Variants in KCNC2 observed in about 807,000 individuals in gnomAD.
KCNC2 encodes the protein potassium voltage-gated channel subfamily C member 2.
In KCNC2, 21 loss-of-function variants were observed where a neutral mutation model predicts 44.5. That is an observed-to-expected ratio of 0.47 (90% CI 0.33 to 0.68). The LOEUF is 0.68. Among genes scored for constraint, KCNC2 ranks in the 30% least tolerant of loss-of-function variants. The probability of loss-of-function intolerance (pLI) is 0.01; values close to 1 mark genes in which losing one functional copy is unlikely to be tolerated. For synonymous variants in KCNC2, 391 were observed against 339.1 expected (o/e 1.15, Z -1.68); for missense variants, 589 against 826.2 (o/e 0.71, Z 3.52).
intron 2 of KCNC2, among the ~76,000 whole-genome samples, chr12:75,109,596 C>G (rs912098764): frequency 6.6e-6 from 1 of 152,058 alleles, no homozygotes; most frequent in African/African-American, 2.4e-5. Flanking sequence ...TACCTTTGTG[C>G]AGATCGTGAT....
chr12:75,109,350 C>T (rs1887039531), intron 2 of KCNC2, among the ~76,000 whole-genome samples: 1 of 152,138 alleles, frequency 6.6e-6, no homozygotes, highest in African/African-American at 2.4e-5. Flanking sequence ...TTGCTCACCT[C>T]TGCGCTTGAT....
At chr12:75,050,312 G>A in intron 3 of KCNC2, 78 bp downstream of exon 3, 1 of 1,051,266 alleles carries the variant, frequency 9.5e-7, no homozygotes. Context: ...TGCAGAAAAT[G>A]AGAATGACTG....
chr12:75,116,007 G>T (rs952915523), intron 2 of KCNC2, among the ~76,000 whole-genome samples: 1 of 152,080 alleles, frequency 6.6e-6, no homozygotes, highest in South Asian at 2.1e-4. Flanking sequence ...GAACAGTGCC[G>T]AATAAATACT....
chr12:75,198,465 T>C (rs1419535470), intron 2 of KCNC2, among the ~76,000 whole-genome samples: 2 of 151,848 alleles, frequency 1.3e-5, no homozygotes, highest in Admixed American at 1.3e-4. Flanking sequence ...ATTAAGAGAA[T>C]TCTAGTAACT....
intron 2 of KCNC2, among the ~76,000 whole-genome samples, chr12:75,160,279 A>G (rs7304239): frequency 0.66 from 100,133 of 151,692 alleles, 35,143 homozygotes; most frequent in African/African-American, 0.91. Context: ...ATAGGCCTCA[A>G]AAGAAACCAG....
rs374907728 is a variant in KCNC2 at position 75,085,996 on chromosome 12, G to A, written c.688-34679C>T. 4.6e-5 allele frequency among the ~76,000 whole-genome samples: 7 copies of A among 151,834 alleles called. No individual in the cohort carries two copies. In the South Asian group the frequency reaches 6.3e-4, roughly 14 times the overall value. ...TTTTTTTCTGCTGAAGGTGAAAGTC[G>A]GACCTATGCCCTTGTCAGTTCTAAA... On this transcript the variant is annotated intron_variant, in intron 2 of 4. Transcript: ENST00000549446.
At chr12:75,203,540 G>A (rs1292611701) in intron 2 of KCNC2, among the ~76,000 whole-genome samples, 1 of 151,876 alleles carries the variant, frequency 6.6e-6, no homozygotes, top group East Asian at 1.9e-4. Context: ...GGGAATGTAT[G>A]TGAAAGAGCT....
rs554056694 is a variant in KCNC2 at position 75,054,230 on chromosome 12, TA to T, written c.688-2914del. On this transcript the variant is annotated intron_variant, in intron 2 of 4. Transcript: ENST00000549446. ...AACAGAGAGAGACTCTGTCTCCAATTAAAAAAAAAAAAAACAGCCAGAGAGG... is the reference window on the plus strand; with the variant it reads ...AACAGAGAGAGACTCTGTCTCCAATTAAAAAAAAAAAAACAGCCAGAGAGG... 7.0e-3 allele frequency among the ~76,000 whole-genome samples: 928 copies of T among 133,240 alleles called. 6 individuals carry two copies. Among genetic ancestry groups the T allele is most frequent in the East Asian group, 0.035 (160 of 4,564 alleles). 87.4% of individuals were successfully genotyped at this position (133,240 alleles called of 152,430 possible). A position where few individuals can be genotyped will look rare whatever the true frequency, so the allele number is the denominator to read the frequency against.
In KCNC2 at chr12:75,193,062, C is replaced by T. The variant is rs144876895; in HGVS notation, c.687+14235G>A. ...AAAACCTAGTGAGAAAATAACCAGA[C>T]ACTGTTCATAACTCTGGGTAAAAAC... On this transcript the variant is annotated intron_variant, in intron 2 of 4. Coordinates refer to ENST00000549446, the MANE Select transcript of KCNC2 (RefSeq NM_139137.4). Among the ~76,000 whole-genome samples, 566 of 152,110 alleles carry T rather than the reference C, an allele frequency of 3.7e-3. 1 individual carries two copies. The highest frequency in any genetic ancestry group is 0.013 in the African/African-American group (532 of 41,488).
chr12:75,195,789 C>T (rs892108086), intron 2 of KCNC2, among the ~76,000 whole-genome samples: 1 of 152,060 alleles, frequency 6.6e-6, no homozygotes, highest in South Asian at 2.1e-4. Flanking sequence ...ATTTGTTTGC[C>T]GCTGCTCTTA....
At chr12:75,080,708 T>G (rs1291127027) in intron 2 of KCNC2, among the ~76,000 whole-genome samples, 1 of 152,046 alleles carries the variant, frequency 6.6e-6, no homozygotes, top group African/African-American at 2.4e-5. Context: ...ACAGAATCTT[T>G]CTCTATTTTT....
At chr12:75,086,497 A>G (rs1473257681) in intron 2 of KCNC2, among the ~76,000 whole-genome samples, 1 of 151,816 alleles carries the variant, frequency 6.6e-6, no homozygotes, top group East Asian at 1.9e-4. Flanking sequence ...AAATACTAAA[A>G]TGCATGTGAA....
rs2031757585 is a variant in KCNC2 at position 75,207,218 on chromosome 12, G to A, written c.687+79C>T. On this transcript the variant is annotated intron_variant, in intron 2 of 4. Coordinates refer to ENST00000549446, the MANE Select transcript of KCNC2 (RefSeq NM_139137.4). This position sits in a 1 kb window ranked among gnomAD's most constrained non-coding sequence, Gnocchi z 4.1. ...TTCTACCCCCCATGCCTGAGGCCCT[G>A]GGGTGGAAAAGAACAGAAAGTTGGG... The A allele has an allele frequency of 6.7e-7, 1 of 1,490,950 alleles. No individual in the cohort carries two copies. Among genetic ancestry groups the A allele is most frequent in the Non-Finnish European group, 8.9e-7 (1 of 1,121,786 alleles). The allele number at this position is 1,490,950 out of a possible 1,614,324, so 92.4% of individuals were successfully genotyped here. A position where few individuals can be genotyped will look rare whatever the true frequency, so the allele number is the denominator to read the frequency against.
intron 2 of KCNC2, among the ~76,000 whole-genome samples, chr12:75,098,344 C>T (rs911854401): frequency 6.6e-6 from 1 of 152,106 alleles, no homozygotes; most frequent in Non-Finnish European, 1.5e-5. Flanking sequence ...TCACATTACT[C>T]TGGTTGGTTG....
intron 2 of KCNC2, among the ~76,000 whole-genome samples, chr12:75,118,911 C>T (rs992488973): frequency 2.0e-5 from 3 of 152,102 alleles, no homozygotes; most frequent in African/African-American, 4.8e-5. Flanking sequence ...TATGCTTTCA[C>T]GGTTTATAGG....
intron 2 of KCNC2, among the ~76,000 whole-genome samples, chr12:75,138,977 T>C (rs1022223418): frequency 3.3e-4 from 20 of 61,398 alleles, no homozygotes; most frequent in Admixed American, 1.2e-3. Flanking sequence ...CGAGACTCCG[T>C]GTAAAAAAAA....
intron 4 of KCNC2, among the ~76,000 whole-genome samples, chr12:75,047,740 A>T (rs945123455): frequency 6.6e-6 from 1 of 152,114 alleles, no homozygotes; most frequent in African/African-American, 2.4e-5. Flanking sequence ...AAAAAAACTT[A>T]TAATTGTTTT....
At chr12:75,158,951 G>T (rs1890939934) in intron 2 of KCNC2, among the ~76,000 whole-genome samples, 1 of 151,916 alleles carries the variant, frequency 6.6e-6, no homozygotes, top group African/African-American at 2.4e-5. Context: ...GCATGGAAGT[G>T]TGGGGTAAAT....
chr12:75,118,490 G>A (rs1887833183), intron 2 of KCNC2, among the ~76,000 whole-genome samples: 1 of 151,956 alleles, frequency 6.6e-6, no homozygotes, highest in Non-Finnish European at 1.5e-5. Context: ...GGGCTGTCAT[G>A]TAAGAATTAG....
Sources: gnomAD v4.1 joint callset for allele counts (sites outside exome capture counted in the v4.1 genomes callset) on GRCh38, gnomAD v4.1.1 for gene constraint, Gnocchi (gnomAD v3.1) non-coding constraint, MANE v1.5 for transcripts, NCBI Gene and HGNC (gene_info 2026-07-23, HGNC 2026-07-21) for gene names.